ARL14EPL: variants seen among roughly 807,000 people sequenced by gnomAD.
ARL14EPL encodes the protein ARL14 effector protein-like.
A neutral mutation model predicts 15.9 loss-of-function variants in ARL14EPL; 17 were observed. The observed-to-expected ratio is 1.07, with a 90% confidence interval of 0.73 to 1.60. The LOEUF (loss-of-function observed/expected upper bound fraction) is 1.60. Among genes scored for constraint, ARL14EPL ranks in the 40% most tolerant of loss-of-function variants. ARL14EPL has a pLI of 0.00. For synonymous variants in ARL14EPL, 78 were observed against 63.8 expected (o/e 1.22, Z -1.06); for missense variants, 214 against 185.9 (o/e 1.15, Z -0.88).
intron 3 of ARL14EPL, among the ~76,000 whole-genome samples, chr5:116,058,061 C>G (rs1749561286): frequency 6.6e-6 from 1 of 152,170 alleles, no homozygotes. Context: ...CTGGGCTCTC[C>G]TCTGGGACAG....
intron 3 of ARL14EPL, among the ~76,000 whole-genome samples, chr5:116,054,874 A>G (rs1458994959): frequency 6.7e-6 from 1 of 149,410 alleles, no homozygotes; most frequent in East Asian, 1.9e-4. Flanking sequence ...ATAATAAACT[A>G]AGAAAACTAT....
chr5:116,053,509 A>AC (rs909823871), intron 2 of ARL14EPL, among the ~76,000 whole-genome samples: 12 of 151,758 alleles, frequency 7.9e-5, no homozygotes, highest in Non-Finnish European at 1.6e-4. Flanking sequence ...TGAATTGGAG[A>AC]CCCCCCGCGT....
chr5:116,049,085 A>T (rs995489037), intron 1 of ARL14EPL, among the ~76,000 whole-genome samples: 3 of 152,208 alleles, frequency 2.0e-5, no homozygotes, highest in Admixed American at 2.0e-4. Context: ...ATGCTTTCAC[A>T]CCATCATAAA....
chr5:116,035,514 A>C (rs951077494), intron 1 of ARL14EPL, among the ~76,000 whole-genome samples: 1 of 152,204 alleles, frequency 6.6e-6, no homozygotes, highest in Non-Finnish European at 1.5e-5. Context: ...GATTACAAGG[A>C]ATGGGTATTG....
chr5:116,055,833 T>C (rs1450862557), intron 3 of ARL14EPL, among the ~76,000 whole-genome samples: 5 of 152,042 alleles, frequency 3.3e-5, no homozygotes, highest in Non-Finnish European at 5.9e-5. Flanking sequence ...GTGTGTGATG[T>C]TCCCCTTCCT....
chr5:116,042,055 G>A (rs148428098), intron 1 of ARL14EPL, among the ~76,000 whole-genome samples: 1 of 152,116 alleles, frequency 6.6e-6, no homozygotes, highest in African/African-American at 2.4e-5. Context: ...GGTCTCGAAT[G>A]TCTGGGTGCA....
rs551608073 is a variant in ARL14EPL, at chr5:116,039,704, A to G, written c.-10+7199A>G. Among the ~76,000 whole-genome samples, 17 of 152,316 alleles carry G rather than the reference A, an allele frequency of 1.1e-4. 1 individual carries two copies. The South Asian group carries it at 2.1e-3, about 19-fold the overall frequency. On this transcript the variant is annotated intron_variant, in intron 1 of 3. Coordinates refer to ENST00000686077, the MANE Select transcript of ARL14EPL (RefSeq NM_001195581.2). ...ACATAGAAAAAAAAACAAGAAAGCT[A>G]AAACTTAGTTCTTTGAGAAGATGAG...
At chr5:116,039,927 A>T (rs1233418278) in intron 1 of ARL14EPL, among the ~76,000 whole-genome samples, 4 of 152,186 alleles carry the variant, frequency 2.6e-5, no homozygotes, top group Admixed American at 2.0e-4. Context: ...AACTCTCTAC[A>T]TTCTCAGATC....
At chr5:116,057,635 C>T (rs929847398) in intron 3 of ARL14EPL, among the ~76,000 whole-genome samples, 1 of 152,172 alleles carries the variant, frequency 6.6e-6, no homozygotes, top group Non-Finnish European at 1.5e-5. Flanking sequence ...AAATAAAGTA[C>T]TTCAAAAGTG....
intron 1 of ARL14EPL, among the ~76,000 whole-genome samples, chr5:116,043,501 A>C (rs913989438): frequency 1.3e-5 from 2 of 152,148 alleles, no homozygotes; most frequent in Non-Finnish European, 2.9e-5. Context: ...CCTTTGAAAA[A>C]TACTCTTCAG....
rs191451635 is a variant in ARL14EPL, at chr5:116,054,339, C to T, written c.236+186C>T. 1.1e-4 allele frequency among the ~76,000 whole-genome samples: 17 copies of T among 152,146 alleles called. No individual in the cohort carries two copies. In the East Asian group the frequency reaches 1.5e-3, roughly 14 times the overall value. ...GAAACAGAAAAATAGACTATAATCCCGAATTAGGAATCGATTTTTTAAAAA... is the reference window on the plus strand; with the variant it reads ...GAAACAGAAAAATAGACTATAATCCTGAATTAGGAATCGATTTTTTAAAAA... On this transcript the variant is annotated intron_variant, in intron 3 of 3. Coordinates refer to ENST00000686077, the MANE Select transcript of ARL14EPL (RefSeq NM_001195581.2).
At chr5:116,051,948 T>C (rs1214467364) in intron 2 of ARL14EPL, 1 of 1,609,586 alleles carries the variant, frequency 6.2e-7, no homozygotes, top group Non-Finnish European at 8.5e-7. Context: ...TCTCCACCCT[T>C]GGTATTTCTG....
rs79961131 is a variant in ARL14EPL at position 116,036,359 on chromosome 5, G to A, written c.-10+3854G>A. On this transcript the variant is annotated intron_variant, in intron 1 of 3. Transcript: ENST00000686077. ...TAGACCAGAAATAATACAGTGTCAAGTGGGAAGCTCCTGGAAATAACAGGC... is the reference window on the plus strand; with the variant it reads ...TAGACCAGAAATAATACAGTGTCAAATGGGAAGCTCCTGGAAATAACAGGC... Among the ~76,000 whole-genome samples, 7 of 152,300 alleles carry A rather than the reference G, an allele frequency of 4.6e-5. No homozygotes were observed. The East Asian group carries it at 1.4e-3, about 29-fold the overall frequency.
At chr5:116,052,056 TC>T in intron 2 of ARL14EPL, 8 of 1,613,134 alleles carry the variant, frequency 5.0e-6, no homozygotes, top group Non-Finnish European at 6.8e-6. Flanking sequence ...CCTCGAATCT[TC>T]AGTCTCTCAG....
intron 1 of ARL14EPL, among the ~76,000 whole-genome samples, chr5:116,042,651 A>G (rs7726642): frequency 0.015 from 2,340 of 152,330 alleles, 60 homozygotes; most frequent in African/African-American, 0.053. Flanking sequence ...GAGCTTGTTC[A>G]GTAAGTGCTA....
intron 1 of ARL14EPL, among the ~76,000 whole-genome samples, chr5:116,035,360 G>A (rs1749029864): frequency 6.6e-6 from 1 of 152,202 alleles, no homozygotes; most frequent in South Asian, 2.1e-4. Flanking sequence ...TTAATCGTGG[G>A]GGTACTGGGA....
intron 3 of ARL14EPL, 112 bp from the exon 4 acceptor site, chr5:116,058,613 G>C: frequency 9.9e-7 from 1 of 1,005,728 alleles, no homozygotes; most frequent in Non-Finnish European, 1.5e-6. Flanking sequence ...AATCTCTGGA[G>C]TTCTGGGTCA....
chr5:116,045,745 AGTGTGTGTGT>A (rs56960751), intron 1 of ARL14EPL, among the ~76,000 whole-genome samples: 10 of 148,744 alleles, frequency 6.7e-5, no homozygotes, highest in East Asian at 5.9e-4. Flanking sequence ...GACCCACAGA[AGTGTGTGTGT>A]GTGTGTGTGT....
At chr5:116,044,313 C>A (rs139883892) in intron 1 of ARL14EPL, among the ~76,000 whole-genome samples, 2,405 of 152,152 alleles carry the variant, frequency 0.016, 56 homozygotes, top group African/African-American at 0.054. Context: ...TAACTCACAA[C>A]ATAATATCCA....
Sources: allele counts gnomAD v4.1 joint callset (sites outside exome capture counted in the v4.1 genomes callset), GRCh38; gene constraint gnomAD v4.1.1; transcripts MANE v1.5; gene names NCBI Gene and HGNC (gene_info 2026-07-23, HGNC 2026-07-21).